ARAP3: variants seen among roughly 807,000 people sequenced by gnomAD.
The protein encoded by ARAP3 is ArfGAP with RhoGAP domain, ankyrin repeat and PH domain 3.
Under a neutral mutation model 169.2 loss-of-function variants are expected in ARAP3, and 82 were observed. That is an observed-to-expected ratio of 0.48 (90% confidence interval 0.41 to 0.58). ARAP3 has a LOEUF of 0.58. Ranked by LOEUF, ARAP3 falls within the 20% of genes least tolerant of loss-of-function variation. The probability of loss-of-function intolerance (pLI) is 0.00; values close to 1 mark genes in which losing one functional copy is unlikely to be tolerated. For synonymous variants in ARAP3, 791 were observed against 800.3 expected (o/e 0.99, Z 0.20); for missense variants, 1,764 against 2,018.0 (o/e 0.87, Z 2.41).
chr5:141,671,756 T>A lies in ARAP3; in HGVS notation c.1672-4A>T. On this transcript the variant is annotated splice_polypyrimidine_tract_variant and splice_region_variant and intron_variant, in intron 11 of 32. Transcript: ENST00000239440. The surrounding 1 kb of genome is among the most constrained non-coding windows in gnomAD (Gnocchi z 4.9). ...CATTTCCCAGGACAATGAATAACTG[T>A]GGGATGACAAGGGACAAAGGCAGGT... The A allele has an allele frequency of 6.3e-7, 1 of 1,597,232 alleles. No homozygotes were observed. The highest frequency in any genetic ancestry group is 8.5e-7 in the Non-Finnish European group (1 of 1,170,626).
chr5:141,663,991 C>T (rs186951381), intron 19 of ARAP3, among the ~76,000 whole-genome samples: 2 of 152,208 alleles, frequency 1.3e-5, no homozygotes, highest in African/African-American at 2.4e-5. Flanking sequence ...TAGGGATCTG[C>T]CCACCTTAGT....
At chr5:141,681,804 C>T (rs564290031) in intron 1 of ARAP3, among the ~76,000 whole-genome samples, 1 of 152,294 alleles carries the variant, frequency 6.6e-6, no homozygotes, top group East Asian at 1.9e-4. Flanking sequence ...CTGCTGGCCT[C>T]CCTCTGCCTC....
At chr5:141,655,212 CACCCTGATGGCCT>C in intron 32 of ARAP3, 137 bp downstream of exon 32, 5 of 675,716 alleles carry the variant, frequency 7.4e-6, no homozygotes, top group South Asian at 1.9e-5. Flanking sequence ...CACACACACA[CACCCTGATGGCCT>C]ACACACACAC....
rs769666430 is a variant in ARAP3 at position 141,656,316 on chromosome 5, A to T, written c.3790-40T>A. 3 of 1,611,996 alleles carry T rather than the reference A, an allele frequency of 1.9e-6. No homozygotes were observed. The South Asian group carries it at 3.3e-5, about 18-fold the overall frequency. ...AGAGTCAGCGAGATGGAGAGATGAGAGATCATGGTTAATGAGGTCAAGACG... is the reference window on the plus strand; with the variant it reads ...AGAGTCAGCGAGATGGAGAGATGAGTGATCATGGTTAATGAGGTCAAGACG... On this transcript the variant is annotated intron_variant, in intron 27 of 32. Coordinates refer to ENST00000239440, the MANE Select transcript of ARAP3 (RefSeq NM_022481.6).
chr5:141,674,056 C>T (rs569683177), intron 4 of ARAP3, among the ~76,000 whole-genome samples: 4 of 148,916 alleles, frequency 2.7e-5, no homozygotes, highest in Non-Finnish European at 4.4e-5. Context: ...CTCCACCTCT[C>T]GGGTTCAAGC....
chr5:141,672,434 C>G lies in ARAP3; in HGVS notation c.1385+118G>C. 1 of 1,473,586 alleles carries G rather than the reference C, an allele frequency of 6.8e-7. No individual in the cohort carries two copies. The highest frequency in any genetic ancestry group is 1.2e-5 in the South Asian group (1 of 80,140). The allele number at this position is 1,473,586 out of a possible 1,614,324, so 91.3% of individuals were successfully genotyped here. A position where few individuals can be genotyped will look rare whatever the true frequency, so the allele number is the denominator to read the frequency against. On this transcript the variant is annotated intron_variant, in intron 9 of 32. Transcript: ENST00000239440. The surrounding 1 kb of genome is among the most constrained non-coding windows in gnomAD (Gnocchi z 4.9). Reference sequence around the variant, plus strand: ...CCTTCTGACATCTTGACCTAGCTCACTGGACTACCATCTGTGCATACCCTC... The same window carrying G: ...CCTTCTGACATCTTGACCTAGCTCAGTGGACTACCATCTGTGCATACCCTC...
Position 141,680,341 on chromosome 5 carries a change from A to C in ARAP3, c.146T>G (p.Ile49Ser). Residue 49 changes from isoleucine to serine, a missense_variant, in exon 2 of 33, where the codon ATC becomes AGC. By Grantham distance (142) the Ile-to-Ser change is moderately radical. Transcript: ENST00000239440. ...GCGTTTCCGGTGCCCTGTGGCGCTG[A>C]TGCCCAACTGCTTCAACTCCTCGTG... Reference protein sequence around the residue: ...LGHEELKQLGISATGHRKRIL... With the variant: ...LGHEELKQLGSSATGHRKRIL... 4 of 1,614,210 alleles carry C rather than the reference A, an allele frequency of 2.5e-6. No homozygotes were observed. Among genetic ancestry groups the C allele is most frequent in the Non-Finnish European group, 3.4e-6 (4 of 1,180,034 alleles).
chr5:141,654,932 T>C (rs982005201), intron 32 of ARAP3, among the ~76,000 whole-genome samples: 8 of 151,924 alleles, frequency 5.3e-5, no homozygotes, highest in African/African-American at 1.9e-4. Context: ...AGAGACGGGA[T>C]TTCACCATGT....
At chr5:141,665,994 A>ATG (rs1401744794) in intron 17 of ARAP3, among the ~76,000 whole-genome samples, 3 of 149,220 alleles carry the variant, frequency 2.0e-5, no homozygotes, top group Non-Finnish European at 4.4e-5. Context: ...AGTTGAGATC[A>ATG]TGCCCTTGCA....
chr5:141,673,950 T>C (rs2099911796), intron 4 of ARAP3, 142 bp from the exon 5 acceptor site: 5 of 735,826 alleles, frequency 6.8e-6, no homozygotes, highest in South Asian at 4.4e-5. Context: ...CTTTTTCTTT[T>C]CTTTTCTTCT....
At position 141,654,101 on chromosome 5, in the gene ARAP3, C is replaced by T. The variant is rs1304064052; in HGVS notation, c.4484G>A (p.Arg1495Lys). Residue 1495 changes from arginine to lysine, a missense_variant, in exon 33 of 33, where the codon AGG (arginine) becomes AAG (lysine). Arg to Lys is a conservative substitution (Grantham distance 26, BLOSUM62 2). Around this residue, in one of 3 missense-constraint regions of ARAP3, gnomAD observed 1,112 missense variants for 1,285.7 expected, o/e 0.86. Coordinates refer to ENST00000239440, the MANE Select transcript of ARAP3 (RefSeq NM_022481.6). ...LLQELSSLILRKGETTAGLGS... is the reference protein window; with the variant it reads ...LLQELSSLILKKGETTAGLGS... ...CAGGCCTGCAGTGGTCTCTCCTTTC[C>T]TCAGGATGAGGCTGCTGAGCTCCTG... The T allele has an allele frequency of 5.6e-6, 9 of 1,611,692 alleles. No homozygotes were observed. The Admixed American group carries it at 1.2e-4, about 21-fold the overall frequency.
Position 141,672,698 on chromosome 5 carries a change from G to A in ARAP3, c.1279-40C>T. 2.2e-5 allele frequency: 35 copies of A among 1,614,026 alleles called. No homozygotes were observed. Among genetic ancestry groups the A allele is most frequent in the Non-Finnish European group, 2.9e-5 (34 of 1,179,950 alleles). On this transcript the variant is annotated intron_variant, in intron 8 of 32. Transcript: ENST00000239440. This position sits in a 1 kb window ranked among gnomAD's most constrained non-coding sequence, Gnocchi z 4.9. ...GGGTGGGCATCATGAGGTGCCAGAA[G>A]GGACTAGTTCAGGCCCCTCAGCCCT...
At position 141,679,795 on chromosome 5, in the gene ARAP3, G is replaced by T; in HGVS notation, c.552C>A (p.Ala184=). 6.2e-7 allele frequency: 1 copy of T among 1,613,490 alleles called. No homozygotes were observed. The highest frequency in any genetic ancestry group is 8.5e-7 in the Non-Finnish European group (1 of 1,179,836). Reference sequence around the variant, plus strand: ...TTGTGGGCCTGAGGGCAGGGGTGGGGGCAGAGATTTGGGAGCTGTCTGGGG... The same window carrying T: ...TTGTGGGCCTGAGGGCAGGGGTGGGTGCAGAGATTTGGGAGCTGTCTGGGG... ...DKAPDSSQIS[A]PTPALRPTTG... is the part of the protein sequence containing the mutation. Residue 184 remains alanine, a synonymous_variant, in exon 3 of 33, where the codon GCC becomes GCA. Coordinates refer to ENST00000239440, the MANE Select transcript of ARAP3 (RefSeq NM_022481.6).
At chr5:141,656,130 C>G (rs1436992176) in intron 28 of ARAP3, 31 bp from the exon 29 acceptor site, 1 of 1,614,048 alleles carries the variant, frequency 6.2e-7, no homozygotes, top group South Asian at 1.1e-5. Context: ...ATGGGGCAGT[C>G]AGAAAGGGCA....
intron 16 of ARAP3, among the ~76,000 whole-genome samples, chr5:141,669,177 C>A (rs2099911110): frequency 6.6e-6 from 1 of 152,146 alleles, no homozygotes; most frequent in African/African-American, 2.4e-5. Context: ...AGTTGTGACT[C>A]AAATCCCAGG....
Position 141,654,352 on chromosome 5 carries a change from T to C in ARAP3, c.4233A>G (p.Val1411=). The change falls in exon 33 of 33, where the codon GTA becomes GTG. Residue 1411 remains valine (V), a synonymous_variant. Transcript: ENST00000239440. ...CCTGGATCAACTCAGGGAAGGCCCC[T>C]ACTTCCTCATACACTGGCTCCTCGT... ...PVYEEPVYEE[V]GAFPELIQDT... 6.2e-7 allele frequency: 1 copy of C among 1,614,014 alleles called. No homozygotes were observed. Among genetic ancestry groups the C allele is most frequent in the East Asian group, 2.2e-5 (1 of 44,886 alleles).
chr5:141,655,498 G>A (rs1010897051), intron 31 of ARAP3, 98 bp from the exon 32 acceptor site: 221 of 1,581,156 alleles, frequency 1.4e-4, no homozygotes, highest in Non-Finnish European at 1.8e-4. Flanking sequence ...GGGTGAAGAA[G>A]GCAGAAGGGA....
At position 141,656,841 on chromosome 5, in the gene ARAP3, G is replaced by T. The variant is rs2099909327; in HGVS notation, c.3532C>A (p.Pro1178Thr). The change falls in exon 26 of 33, where the codon CCA (proline) becomes ACA (threonine). Residue 1178 changes from proline to threonine, a missense_variant. This residue lies in a region of ARAP3 where 1,112 missense variants were observed against 1,285.7 expected (regional missense o/e 0.86). Transcript: ENST00000239440. ...AAGACCTTTTCCTTGGGATGCAGTG[G>T]CCGCTCTTAAGGGGAAAGGTGAGGG... ...EIREHGELERPLHPKEKVLEQ... is the reference protein window; with the variant it reads ...EIREHGELERTLHPKEKVLEQ... The T allele has an allele frequency of 1.2e-6, 2 of 1,613,002 alleles. No homozygotes were observed. The highest frequency in any genetic ancestry group is 1.7e-5 in the Admixed American group (1 of 59,834).
At position 141,669,749 on chromosome 5, in the gene ARAP3, C is replaced by T; in HGVS notation, c.2312G>A (p.Gly771Glu). 6.2e-7 allele frequency: 1 copy of T among 1,614,092 alleles called. No homozygotes were observed. The highest frequency in any genetic ancestry group is 8.5e-7 in the Non-Finnish European group (1 of 1,179,998). Reference protein sequence around the residue: ...GGRIQHFGTDGADSLEAWTSA... With the variant: ...GGRIQHFGTDEADSLEAWTSA... ...AGTCCAGGCCTCCAGACTGTCAGCT[C>T]CATCTGTGCCAAAATGCTGGATCCT... The change falls in exon 16 of 33, where the codon GGA becomes GAA. Residue 771 changes from glycine to glutamate, a missense_variant. By Grantham distance (98) the Gly-to-Glu change is moderately conservative. Around this residue, in one of 3 missense-constraint regions of ARAP3, gnomAD observed 1,112 missense variants for 1,285.7 expected, o/e 0.86. Transcript: ENST00000239440.
Sources: allele counts gnomAD v4.1 joint callset (sites outside exome capture counted in the v4.1 genomes callset), GRCh38; gene constraint gnomAD v4.1.1; regional missense constraint gnomAD v4.1.1; non-coding constraint Gnocchi (gnomAD v3.1); transcripts MANE v1.5; gene names NCBI Gene and HGNC (gene_info 2026-07-23, HGNC 2026-07-21).